The following AGO1 variants were observed in gnomAD, a reference collection of about 807,000 sequenced individuals.
The protein encoded by AGO1 is protein argonaute-1.
AGO1 carries 11 observed loss-of-function variants against 109.2 expected under a neutral mutation model. The ratio of observed to expected loss-of-function variants is 0.10; its 90% CI spans 0.06 to 0.17. AGO1 has a LOEUF of 0.17. Among genes scored for constraint, AGO1 ranks in the 10% least tolerant of loss-of-function variants. The pLI is 1.00. For synonymous variants in AGO1, 422 were observed against 418.6 expected (o/e 1.01, Z -0.10); for missense variants, 574 against 1,140.3 (o/e 0.50, Z 7.15).
intron 8 of AGO1, among the ~76,000 whole-genome samples, chr1:35,899,096 T>A (rs1472222239): frequency 9.9e-5 from 15 of 152,236 alleles, no homozygotes; most frequent in Admixed American, 7.2e-4. Context: ...TTTCTGTCTT[T>A]ATGAATTTGA....
chr1:35,917,685 A>G lies in AGO1; in HGVS notation c.2121A>G (p.Lys707=), dbSNP rs770238895. The G allele has an allele frequency of 6.2e-7, 1 of 1,613,628 alleles. No individual in the cohort carries two copies. Among genetic ancestry groups the G allele is most frequent in the South Asian group, 1.1e-5 (1 of 91,040 alleles). The stretch of plus-strand genomic sequence containing the variant: ...GGATCACTTATATTGTGGTGCAGAA[A>G]CGCCATCACACCCGCCTTTTCTGTG... ...QPGITYIVVQ[K]RHHTRLFCAD... Residue 707 remains lysine, a synonymous_variant, in exon 16 of 19, where the codon AAA becomes AAG. Coordinates refer to ENST00000373204, the MANE Select transcript of AGO1 (RefSeq NM_012199.5).
Position 35,893,869 on chromosome 1 carries a change from C to A in AGO1, c.649+59C>A. 6.4e-7 allele frequency: 1 copy of A among 1,571,850 alleles called. No homozygotes were observed. The highest frequency in any genetic ancestry group is 8.7e-7 in the Non-Finnish European group (1 of 1,154,956). On this transcript the variant is annotated intron_variant, in intron 5 of 18. Coordinates refer to ENST00000373204, the MANE Select transcript of AGO1 (RefSeq NM_012199.5). The surrounding 1 kb of genome is among the most constrained non-coding windows in gnomAD (Gnocchi z 5.6). ...CCAAGTCCAGTGACCACACTCCCAG[C>A]CTCATCCCTCCCAGCTCTGCAACCA...
rs1419008182 is a variant in AGO1, at chr1:35,922,718, A to G, written c.*3111A>G. The G allele has an allele frequency of 6.6e-6, 1 of 152,414 alleles. No homozygotes were observed. Among genetic ancestry groups the G allele is most frequent in the Non-Finnish European group, 1.5e-5 (1 of 68,202 alleles). The allele number at this position is 152,414 out of a possible 1,614,324, so 9.4% of individuals were successfully genotyped here. A position where few individuals can be genotyped will look rare whatever the true frequency, so the allele number is the denominator to read the frequency against. On this transcript the variant is annotated 3_prime_UTR_variant, in exon 19 of 19. Transcript: ENST00000373204. ...TCAGGCTTAGCTCCTTGACTGCAGA[A>G]GACCAAGAACCTGTTCCCCAAGCCC...
At position 35,892,683 on chromosome 1, in the gene AGO1, G is replaced by A; in HGVS notation, c.330+6G>A. 3 of 1,614,200 alleles carry A rather than the reference G, an allele frequency of 1.9e-6. No homozygotes were observed. Among genetic ancestry groups the A allele is most frequent in the Non-Finnish European group, 2.5e-6 (3 of 1,180,010 alleles). Reference sequence around the variant, plus strand: ...TGCCCATTGGCAACGAACGGGTAAGGTTGGGAGTCAGGCTAGGCCTGTGTC... The same window carrying A: ...TGCCCATTGGCAACGAACGGGTAAGATTGGGAGTCAGGCTAGGCCTGTGTC... On this transcript the variant is annotated splice_donor_region_variant and intron_variant, in intron 3 of 18. Coordinates refer to ENST00000373204, the MANE Select transcript of AGO1 (RefSeq NM_012199.5).
At chr1:35,878,196 G>A (rs1049815536) in intron 1 of AGO1, among the ~76,000 whole-genome samples, 1 of 151,794 alleles carries the variant, frequency 6.6e-6, no homozygotes, top group Non-Finnish European at 1.5e-5. Context: ...CCATTCTCCT[G>A]CCTCAGCCTC....
intron 1 of AGO1, chr1:35,873,567 TG>T: frequency 6.2e-6 from 1 of 161,150 alleles, no homozygotes; most frequent in East Asian, 1.5e-4. Context: ...AGTTTCTTGT[TG>T]CTCCCTCTGG....
chr1:35,891,703 T>G (rs887611357), intron 2 of AGO1, among the ~76,000 whole-genome samples: 1 of 152,036 alleles, frequency 6.6e-6, no homozygotes, highest in African/African-American at 2.4e-5. Context: ...TAGCTGGGAC[T>G]GTAGGCACAC....
intron 1 of AGO1, among the ~76,000 whole-genome samples, chr1:35,875,137 A>G (rs559248738): frequency 2.4e-4 from 36 of 152,360 alleles, no homozygotes; most frequent in African/African-American, 8.2e-4. Context: ...TTCAGTGTAG[A>G]TGAAACAGCC....
chr1:35,919,112 G>T lies in AGO1; in HGVS notation c.2323G>T (p.Asp775Tyr). 1 of 1,614,190 alleles carries T rather than the reference G, an allele frequency of 6.2e-7. No individual in the cohort carries two copies. The highest frequency in any genetic ancestry group is 8.5e-7 in the Non-Finnish European group (1 of 1,180,050). ...VLWDDNRFTA[D>Y]ELQILTYQLC... ...TTGGGATGACAACCGTTTCACAGCAGATGAGCTCCAGATCCTGACGTACCA... is the reference window on the plus strand; with the variant it reads ...TTGGGATGACAACCGTTTCACAGCATATGAGCTCCAGATCCTGACGTACCA... The change falls in exon 18 of 19, where the codon GAT becomes TAT. Residue 775 changes from aspartate to tyrosine, a missense_variant. By Grantham distance (160) the Asp-to-Tyr change is radical. Around this residue, in one of 8 missense-constraint regions of AGO1, gnomAD observed 62 missense variants for 192.0 expected, o/e 0.32. Coordinates refer to ENST00000373204, the MANE Select transcript of AGO1 (RefSeq NM_012199.5). This position sits in a 1 kb window ranked among gnomAD's most constrained non-coding sequence, Gnocchi z 6.6.
At position 35,883,247 on chromosome 1, in the gene AGO1, C is replaced by T. The variant is rs536512687; in HGVS notation, c.-175C>T. On this transcript the variant is annotated 5_prime_UTR_variant, in exon 1 of 19. Coordinates refer to ENST00000373204, the MANE Select transcript of AGO1 (RefSeq NM_012199.5). This position sits in a 1 kb window ranked among gnomAD's most constrained non-coding sequence, Gnocchi z 5.4. The stretch of plus-strand genomic sequence containing the variant: ...CGGGCGCTCGCAGTGGGAGCTGCTG[C>T]AGGCTCCGCGGCGGCGGCAACGGAG... 28 of 1,332,182 alleles carry T rather than the reference C, an allele frequency of 2.1e-5. No individual in the cohort carries two copies. In the African/African-American group the frequency reaches 3.7e-4, roughly 18 times the overall value. The allele number at this position is 1,332,182 out of a possible 1,614,324, so 82.5% of individuals were successfully genotyped here. A position where few individuals can be genotyped will look rare whatever the true frequency, so the allele number is the denominator to read the frequency against.
chr1:35,926,719 TA>T lies in AGO1; in HGVS notation c.*7113del. On this transcript the variant is annotated 3_prime_UTR_variant, in exon 19 of 19. Coordinates refer to ENST00000373204, the MANE Select transcript of AGO1 (RefSeq NM_012199.5). Reference sequence around the variant, plus strand: ...TAGAAGGCACACAGCATGACAGAAGTACTCCTTCAAAGCAGCTGTGTCAAGA... The same window carrying T: ...TAGAAGGCACACAGCATGACAGAAGTCTCCTTCAAAGCAGCTGTGTCAAGA... 1 of 152,308 alleles carries T rather than the reference TA, an allele frequency of 6.6e-6. No individual in the cohort carries two copies. The highest frequency in any genetic ancestry group is 1.9e-4 in the East Asian group (1 of 5,188). 9.4% of individuals were successfully genotyped at this position (152,308 alleles called of 1,614,324 possible).
intron 8 of AGO1, among the ~76,000 whole-genome samples, chr1:35,895,707 G>A (rs1168379813): frequency 6.6e-6 from 1 of 152,162 alleles, no homozygotes; most frequent in African/African-American, 2.4e-5. Context: ...TTTTGAAAAA[G>A]TTTTAGCCCC....
At chr1:35,910,929 G>A (rs1645620971) in intron 12 of AGO1, among the ~76,000 whole-genome samples, 1 of 152,190 alleles carries the variant, frequency 6.6e-6, no homozygotes, top group East Asian at 1.9e-4. Context: ...AGCCAGGTGT[G>A]GTGGCGGGCG....
rs372107016 is a variant in AGO1, at chr1:35,888,235, TAAAAAAG to T, written c.26-183_26-177del. ...ATAATTTTCCTAACTGGAGAGAGAT[TAAAAAAG>T]AAAAAAGAGAAAAAACACAGATGAG... is the stretch of plus-strand genomic sequence containing the variant. On this transcript the variant is annotated intron_variant, in intron 1 of 18. Coordinates refer to ENST00000373204, the MANE Select transcript of AGO1 (RefSeq NM_012199.5). The surrounding 1 kb of genome is among the most constrained non-coding windows in gnomAD (Gnocchi z 4.1). 0.011 allele frequency among the ~76,000 whole-genome samples: 1,628 copies of T among 152,176 alleles called. 32 individuals are homozygous for T. The highest frequency in any genetic ancestry group is 0.037 in the African/African-American group (1,530 of 41,524).
chr1:35,927,369 G>A lies in AGO1; in HGVS notation c.*7762G>A, dbSNP rs1645950821. The A allele has an allele frequency of 6.6e-6, 1 of 152,080 alleles. No homozygotes were observed. Among genetic ancestry groups the A allele is most frequent in the Non-Finnish European group, 1.5e-5 (1 of 68,016 alleles). The allele number at this position is 152,080 out of a possible 1,614,324, so 9.4% of individuals were successfully genotyped here. On this transcript the variant is annotated 3_prime_UTR_variant, in exon 19 of 19. Coordinates refer to ENST00000373204, the MANE Select transcript of AGO1 (RefSeq NM_012199.5). Reference sequence around the variant, plus strand: ...TCAGTGGCTCAGTGATAACACCAAAGACTCAGTTTCTTGAAATTTTTTTGC... The same window carrying A: ...TCAGTGGCTCAGTGATAACACCAAAAACTCAGTTTCTTGAAATTTTTTTGC...
intron 1 of AGO1, among the ~76,000 whole-genome samples, chr1:35,887,857 C>T (rs1371867010): frequency 1.3e-5 from 2 of 152,128 alleles, no homozygotes; most frequent in African/African-American, 4.8e-5. Flanking sequence ...TCCTTTGAGC[C>T]TTTTCTCCTT....
At chr1:35,879,734 CAAAAAAAAAAAAAAA>C (rs71034705), upstream of AGO1, among the ~76,000 whole-genome samples, 11 of 57,496 alleles carry the variant, frequency 1.9e-4, no homozygotes, top group Middle Eastern at 0.058. Flanking sequence ...GGTTCTGTCT[CAAAAAAAAAAAAAAA>C]AAAAAAAAAA....
intron 2 of AGO1, among the ~76,000 whole-genome samples, chr1:35,890,130 C>G (rs981145656): frequency 5.3e-5 from 8 of 152,128 alleles, no homozygotes; most frequent in African/African-American, 1.9e-4. Flanking sequence ...TCAAGCGATT[C>G]TTCTGCCTCA....
chr1:35,876,256 T>G lies in AGO1; in HGVS notation c.-201+6353T>G, dbSNP rs575565279. Reference sequence around the variant, plus strand: ...TTGAACAGATGAGGAAATCCTTTTTTTTTGTTTGTTTTTTGTTTTTTTTTT... The same window carrying G: ...TTGAACAGATGAGGAAATCCTTTTTGTTTGTTTGTTTTTTGTTTTTTTTTT... On this transcript the variant is annotated intron_variant, in intron 1 of 18. Transcript: ENST00000373206. Among the ~76,000 whole-genome samples the G allele has an allele frequency of 1.1e-4, 17 of 152,092 alleles. No homozygotes were observed. The South Asian group carries it at 2.1e-3, about 19-fold the overall frequency.
Sources: gnomAD v4.1 joint callset for allele counts (sites outside exome capture counted in the v4.1 genomes callset) on GRCh38, gnomAD v4.1.1 for gene constraint, gnomAD v4.1.1 regional missense constraint, Gnocchi (gnomAD v3.1) non-coding constraint, MANE v1.5 for transcripts, NCBI Gene and HGNC (gene_info 2026-07-23, HGNC 2026-07-21) for gene names.